Variants in POLR3B observed in about 807,000 individuals in gnomAD.
POLR3B encodes RNA polymerase III subunit B.
In POLR3B, 96 loss-of-function variants were observed where a neutral mutation model predicts 147.4. The ratio of observed to expected loss-of-function variants is 0.65; its 90% CI spans 0.55 to 0.77. POLR3B has a LOEUF of 0.77. Ranked by LOEUF, POLR3B falls within the 30% of genes least tolerant of loss-of-function variation. The pLI, the probability that POLR3B is intolerant of heterozygous loss-of-function variation, is 0.00. For missense variants in POLR3B, 1,036 were observed against 1,413.5 expected (o/e 0.73, Z 4.28); for synonymous variants, 461 against 485.9 (o/e 0.95, Z 0.67).
At chr12:106,456,819 T>A (rs757539967) in intron 20 of POLR3B, among the ~76,000 whole-genome samples, 28 of 152,184 alleles carry the variant, frequency 1.8e-4, no homozygotes, top group Non-Finnish European at 3.1e-4. Flanking sequence ...TATGGCTCTG[T>A]CCTCTGAAAG....
chr12:106,420,482 G>A (rs74827460), intron 12 of POLR3B, among the ~76,000 whole-genome samples: 10 of 152,052 alleles, frequency 6.6e-5, no homozygotes, highest in Admixed American at 2.0e-4. Flanking sequence ...CTACCCTTAG[G>A]TGAAAAGCCT....
chr12:106,407,998 A>G lies in POLR3B; in HGVS notation c.966+2022A>G, dbSNP rs569942127. Among the ~76,000 whole-genome samples, 356 of 152,328 alleles carry G rather than the reference A, an allele frequency of 2.3e-3. 1 individual carries two copies. The highest frequency in any genetic ancestry group is 4.6e-3 in the Non-Finnish European group (311 of 68,032). On this transcript the variant is annotated intron_variant, in intron 11 of 27. Transcript: ENST00000228347. The stretch of plus-strand genomic sequence containing the variant: ...TGGACAGTATTTACCTAAATGTGAT[A>G]TAAAGGATGATTTTCAGTGATACAG...
At chr12:106,493,882 A>G (rs902807760) in intron 23 of POLR3B, among the ~76,000 whole-genome samples, 2 of 152,230 alleles carry the variant, frequency 1.3e-5, no homozygotes, top group Non-Finnish European at 2.9e-5. Context: ...ATCTTGGCAT[A>G]TAAAAGGGTT....
chr12:106,362,310 G>T (rs2036481699), intron 1 of POLR3B, among the ~76,000 whole-genome samples: 1 of 152,146 alleles, frequency 6.6e-6, no homozygotes, highest in Non-Finnish European at 1.5e-5. Flanking sequence ...ATAAGAAGGG[G>T]TGTAGAGAGA....
chr12:106,424,053 C>T (rs1207980107), intron 12 of POLR3B, among the ~76,000 whole-genome samples: 1 of 152,074 alleles, frequency 6.6e-6, no homozygotes, highest in Non-Finnish European at 1.5e-5. Context: ...GATGGGGTTT[C>T]ACCATGTTGC....
chr12:106,428,184 A>G (rs1170434912), intron 13 of POLR3B, among the ~76,000 whole-genome samples: 1 of 152,170 alleles, frequency 6.6e-6, no homozygotes, highest in East Asian at 1.9e-4. Context: ...AAGTCGTCTG[A>G]GGTGGATCCC....
intron 27 of POLR3B, 68 bp from the exon 28 acceptor site, chr12:106,509,352 C>T (rs905008264): frequency 1.1e-5 from 17 of 1,542,892 alleles, no homozygotes; most frequent in Non-Finnish European, 1.5e-5. Flanking sequence ...AGACCATTCT[C>T]ACTTCCTACG....
At chr12:106,441,587 G>A (rs1317476711) in intron 18 of POLR3B, among the ~76,000 whole-genome samples, 1 of 152,144 alleles carries the variant, frequency 6.6e-6, no homozygotes, top group Non-Finnish European at 1.5e-5. Context: ...TGACCAAAAT[G>A]TTATGTGGTG....
At chr12:106,421,647 A>C (rs1379759428) in intron 12 of POLR3B, among the ~76,000 whole-genome samples, 1 of 151,710 alleles carries the variant, frequency 6.6e-6, no homozygotes, top group Non-Finnish European at 1.5e-5. Flanking sequence ...TTTTTGTTAT[A>C]TGTGTTGCAG....
intron 12 of POLR3B, 131 bp downstream of exon 12, chr12:106,411,091 A>C: frequency 1.3e-6 from 1 of 745,378 alleles, no homozygotes; most frequent in South Asian, 1.7e-5. Flanking sequence ...TTCATACCTG[A>C]CTTATTATCT....
chr12:106,376,818 A>T (rs565338168), intron 7 of POLR3B, among the ~76,000 whole-genome samples: 1 of 152,038 alleles, frequency 6.6e-6, no homozygotes, highest in African/African-American at 2.4e-5. Context: ...GTGTTTTGCT[A>T]TGTCATCCTG....
At position 106,433,818 on chromosome 12, in the gene POLR3B, C is replaced by A; in HGVS notation, c.1727C>A (p.Thr576Lys). 6.2e-7 allele frequency: 1 copy of A among 1,613,504 alleles called. No individual in the cohort carries two copies. The highest frequency in any genetic ancestry group is 8.5e-7 in the Non-Finnish European group (1 of 1,179,498). Residue 576 changes from threonine (T) to lysine (K), a missense_variant, in exon 16 of 28, where the codon ACA becomes AAA. Coordinates refer to ENST00000228347, the MANE Select transcript of POLR3B (RefSeq NM_018082.6). Reference sequence around the variant, plus strand: ...ATCAATGAATTTGTTTCCATCTCAACAAATCTTACAGATCGATGTGTCTAT... The same window carrying A: ...ATCAATGAATTTGTTTCCATCTCAAAAAATCTTACAGATCGATGTGTCTAT... ...GYINEFVSIS[T>K]NLTDRCVYIS...
chr12:106,408,919 T>TA (rs2037184570), intron 11 of POLR3B, among the ~76,000 whole-genome samples: 1 of 152,184 alleles, frequency 6.6e-6, no homozygotes, highest in Non-Finnish European at 1.5e-5. Context: ...TGAAATGAGT[T>TA]AGAGTTCAAT....
intron 23 of POLR3B, among the ~76,000 whole-genome samples, chr12:106,468,351 A>C (rs2038036076): frequency 6.6e-6 from 1 of 151,826 alleles, no homozygotes; most frequent in Admixed American, 6.6e-5. Flanking sequence ...TTTTCTTCGT[A>C]TTAGTCTTCC....
At chr12:106,490,720 C>A (rs1252448880) in intron 23 of POLR3B, among the ~76,000 whole-genome samples, 1 of 152,120 alleles carries the variant, frequency 6.6e-6, no homozygotes, top group African/African-American at 2.4e-5. Context: ...AACGGAATAA[C>A]CACCTGTGTT....
At position 106,357,790 on chromosome 12, in the gene POLR3B, C is replaced by T. The variant is rs2036405015; in HGVS notation, c.-90C>T. 1 of 1,307,628 alleles carries T rather than the reference C, an allele frequency of 7.6e-7. No individual in the cohort carries two copies. Among genetic ancestry groups the T allele is most frequent in the Non-Finnish European group, 1.1e-6 (1 of 924,286 alleles). The allele number at this position is 1,307,628 out of a possible 1,614,324, so 81.0% of individuals were successfully genotyped here. A position where few individuals can be genotyped will look rare whatever the true frequency, so the allele number is the denominator to read the frequency against. On this transcript the variant is annotated 5_prime_UTR_variant, in exon 1 of 28. Transcript: ENST00000228347. Reference sequence around the variant, plus strand: ...ACGGCGGGGACAGTTTAGGCCTCCGCGCACCGTTCGCCGGGAGTCTTGCAG... The same window carrying T: ...ACGGCGGGGACAGTTTAGGCCTCCGTGCACCGTTCGCCGGGAGTCTTGCAG...
At position 106,457,157 on chromosome 12, in the gene POLR3B, A is replaced by T; in HGVS notation, c.2313A>T (p.Val771=). 6.2e-7 allele frequency: 1 copy of T among 1,613,494 alleles called. No individual in the cohort carries two copies. The highest frequency in any genetic ancestry group is 8.5e-7 in the Non-Finnish European group (1 of 1,179,558). Residue 771 remains valine (V), a synonymous_variant, in exon 21 of 28, where the codon GTA becomes GTT. Transcript: ENST00000228347. ...TTTTAGGCTTTGGGCGTTGCCTTGT[A>T]TATAAAAATGCTAAATGTACGTTGA... The part of the protein sequence containing the change: ...SLDRGFGRCL[V]YKNAKCTLKR...
chr12:106,497,056 G>T (rs988159275), intron 25 of POLR3B, 138 bp downstream of exon 25: 2 of 777,002 alleles, frequency 2.6e-6, no homozygotes, highest in African/African-American at 1.7e-5. Flanking sequence ...GGCCCAGGAC[G>T]GCTTCGAATG....
intron 2 of POLR3B, among the ~76,000 whole-genome samples, chr12:106,364,617 A>G (rs1167016567): frequency 1.3e-5 from 2 of 152,246 alleles, no homozygotes; most frequent in East Asian, 3.9e-4. Context: ...TCCAAGAGAC[A>G]TGAAAACATG....
Sources: gnomAD v4.1 joint callset for allele counts (sites outside exome capture counted in the v4.1 genomes callset) on GRCh38, gnomAD v4.1.1 for gene constraint, MANE v1.5 for transcripts, NCBI Gene and HGNC (gene_info 2026-07-23, HGNC 2026-07-21) for gene names.